The following NRXN1 variants were observed in gnomAD, a reference collection of about 807,000 sequenced individuals.
NRXN1 encodes the protein neurexin 1.
NRXN1 carries 39 observed loss-of-function variants against 150.9 expected under a neutral mutation model. The observed-to-expected ratio is 0.26, with a 90% CI of 0.20 to 0.34. The LOEUF is 0.34. Among genes scored for constraint, NRXN1 ranks in the 10% least tolerant of loss-of-function variants. The pLI is 1.00. For missense variants in NRXN1, 1,815 were observed against 1,949.9 expected (o/e 0.93, Z 1.30); for synonymous variants, 924 against 757.0 (o/e 1.22, Z -3.62).
chr2:50,161,991 C>A (rs1202655244), intron 18 of NRXN1, among the ~76,000 whole-genome samples: 1 of 151,980 alleles, frequency 6.6e-6, no homozygotes, highest in Non-Finnish European at 1.5e-5. Flanking sequence ...GTCATTGTAG[C>A]GAAAGAGTAT....
chr2:50,152,460 C>T (rs2058752136), intron 18 of NRXN1, among the ~76,000 whole-genome samples: 1 of 151,692 alleles, frequency 6.6e-6, no homozygotes, highest in African/African-American at 2.4e-5. Flanking sequence ...TTCCAAGGCC[C>T]CCAGTGCACA....
rs565359156 is a variant in NRXN1 at position 50,195,043 on chromosome 2, C to T, written c.3546+41746G>A. On this transcript the variant is annotated intron_variant, in intron 18 of 22. Coordinates refer to ENST00000401669, the MANE Select transcript of NRXN1 (RefSeq NM_001330078.2). Reference sequence around the variant, plus strand: ...GATTTACACAGATCGATTTTCTGTGCCCATTGACAGAGCAACTGGATAATC... The same window carrying T: ...GATTTACACAGATCGATTTTCTGTGTCCATTGACAGAGCAACTGGATAATC... Among the ~76,000 whole-genome samples the T allele has an allele frequency of 3.9e-5, 6 of 152,226 alleles. No individual in the cohort carries two copies. The South Asian group carries it at 1.2e-3, about 32-fold the overall frequency.
intron 5 of NRXN1, among the ~76,000 whole-genome samples, chr2:50,662,552 G>C (rs1687446078): frequency 6.6e-6 from 1 of 151,796 alleles, no homozygotes; most frequent in Non-Finnish European, 1.5e-5. Context: ...ACACAAATTT[G>C]TAAACTTTCT....
At chr2:50,259,214 A>G (rs764125634) in intron 17 of NRXN1, among the ~76,000 whole-genome samples, 4 of 151,932 alleles carry the variant, frequency 2.6e-5, no homozygotes, top group East Asian at 1.9e-4. Flanking sequence ...AAAACTATAT[A>G]AAGCTGTTTT....
intron 2 of NRXN1, among the ~76,000 whole-genome samples, chr2:50,945,458 T>G (rs1303529007): frequency 6.6e-6 from 1 of 151,896 alleles, no homozygotes; most frequent in East Asian, 1.9e-4. Flanking sequence ...AGTGAGACAC[T>G]GTCTCAAAAA....
intron 17 of NRXN1, among the ~76,000 whole-genome samples, chr2:50,316,343 A>G (rs2075605124): frequency 6.6e-6 from 1 of 152,108 alleles, no homozygotes; most frequent in South Asian, 2.1e-4. Flanking sequence ...GGGAATAGTT[A>G]AGATGCCTGG....
chr2:51,023,593 C>T (rs1669966726), intron 2 of NRXN1, among the ~76,000 whole-genome samples: 1 of 152,168 alleles, frequency 6.6e-6, no homozygotes, highest in South Asian at 2.1e-4. Context: ...ATGCACCCAT[C>T]CTTCAAAATA....
chr2:50,908,169 A>C (rs1001212028), intron 5 of NRXN1, among the ~76,000 whole-genome samples: 4 of 152,016 alleles, frequency 2.6e-5, no homozygotes, highest in Non-Finnish European at 5.9e-5. Context: ...ACTTTTAATG[A>C]TTGAAGGTAG....
chr2:50,100,888 T>C (rs1558879130), intron 18 of NRXN1, among the ~76,000 whole-genome samples: 1 of 152,014 alleles, frequency 6.6e-6, no homozygotes, highest in Non-Finnish European at 1.5e-5. Flanking sequence ...AGAAATCAAA[T>C]AGAACAAGAA....
intron 17 of NRXN1, among the ~76,000 whole-genome samples, chr2:50,245,400 T>C (rs1299064874): frequency 1.3e-5 from 2 of 151,986 alleles, no homozygotes; most frequent in East Asian, 1.9e-4. Flanking sequence ...CAAATGCTTA[T>C]GTCTTCCCTT....
chr2:49,935,510 T>C (rs1670878941), intron 22 of NRXN1, among the ~76,000 whole-genome samples: 1 of 152,210 alleles, frequency 6.6e-6, no homozygotes, highest in African/African-American at 2.4e-5. Context: ...TATAACATTT[T>C]GTTTATGAGT....
At chr2:50,985,066 G>A (rs1697478682) in intron 2 of NRXN1, among the ~76,000 whole-genome samples, 1 of 151,920 alleles carries the variant, frequency 6.6e-6, no homozygotes, top group Non-Finnish European at 1.5e-5. Flanking sequence ...CCAGAAGAGT[G>A]CTAGAAAACA....
intron 9 of NRXN1, among the ~76,000 whole-genome samples, chr2:50,544,860 C>T (rs929219758): frequency 5.6e-4 from 85 of 151,970 alleles, no homozygotes; most frequent in Non-Finnish European, 1.9e-4. Flanking sequence ...AATGTTCTTC[C>T]ATAGAGAAAT....
At chr2:50,778,979 C>T (rs1574446009) in intron 5 of NRXN1, among the ~76,000 whole-genome samples, 1 of 152,060 alleles carries the variant, frequency 6.6e-6, no homozygotes, top group African/African-American at 2.4e-5. Flanking sequence ...TGATTTATGC[C>T]TTGCCAAGAC....
At position 50,538,369 on chromosome 2, in the gene NRXN1, G is replaced by A. The variant is rs201645270; in HGVS notation, c.2027C>T (p.Thr676Ile). ...AGVKPSCSKE[T>I]AKPCLSNPCK... Reference sequence around the variant, plus strand: ...AGGGTTGCTAAGGCACGGTTTTGCTGTTTCCTTTGAGCAGGAAGGCTTCAC... The same window carrying A: ...AGGGTTGCTAAGGCACGGTTTTGCTATTTCCTTTGAGCAGGAAGGCTTCAC... The change falls in exon 10 of 23, where the codon ACA becomes ATA. Residue 676 changes from threonine (T) to isoleucine (I), a missense_variant. By Grantham distance (89) the Thr-to-Ile change is moderately conservative. Transcript: ENST00000401669. The A allele has an allele frequency of 1.2e-6, 2 of 1,613,836 alleles. No individual in the cohort carries two copies. The highest frequency in any genetic ancestry group is 2.2e-5 in the East Asian group (1 of 44,884).
Position 50,103,061 on chromosome 2 carries a change from C to A in NRXN1, c.3547-11567G>T, listed in dbSNP as rs975312419. ...AATATATGTAGAACCTAACAGTATG[C>A]AACCTGACATTCATCTAATTGTTTA... On this transcript the variant is annotated intron_variant, in intron 18 of 22. Transcript: ENST00000401669. 6.6e-5 allele frequency among the ~76,000 whole-genome samples: 10 copies of A among 152,130 alleles called. No individual in the cohort carries two copies. The East Asian group carries it at 1.4e-3, about 21-fold the overall frequency.
chr2:50,107,575 T>C (rs1348575199), intron 18 of NRXN1, among the ~76,000 whole-genome samples: 1 of 140,596 alleles, frequency 7.1e-6, no homozygotes, highest in Non-Finnish European at 1.6e-5. Context: ...AATAGAAATG[T>C]GATACATCAA....
chr2:50,024,167 G>A (rs948130666), intron 21 of NRXN1: 1 of 152,174 alleles, frequency 6.6e-6, no homozygotes, highest in African/African-American at 2.4e-5. Flanking sequence ...AGGTGCTGAG[G>A]CTGGCTTAAT....
chr2:50,101,816 G>A (rs1701018127), intron 18 of NRXN1, among the ~76,000 whole-genome samples: 1 of 151,920 alleles, frequency 6.6e-6, no homozygotes, highest in Non-Finnish European at 1.5e-5. Context: ...ACAAGAGTGA[G>A]GAAATGTTTT....
Sources: gnomAD v4.1 joint callset for allele counts (sites outside exome capture counted in the v4.1 genomes callset) on GRCh38, gnomAD v4.1.1 for gene constraint, MANE v1.5 for transcripts, NCBI Gene and HGNC (gene_info 2026-07-23, HGNC 2026-07-21) for gene names.